Variants in DENND4A observed in about 807,000 individuals in gnomAD.
DENND4A encodes the protein C-myc promoter-binding protein.
A neutral mutation model predicts 199.3 loss-of-function variants in DENND4A; 70 were observed. The ratio of observed to expected loss-of-function variants is 0.35; its 90% confidence interval spans 0.29 to 0.43. The LOEUF (loss-of-function observed/expected upper bound fraction) is 0.43. Among genes scored for constraint, DENND4A ranks in the 20% least tolerant of loss-of-function variants. The pLI is 1.00. For missense variants in DENND4A, 1,723 were observed against 2,255.8 expected (o/e 0.76, Z 4.78); for synonymous variants, 686 against 766.9 (o/e 0.89, Z 1.74).
intron 2 of DENND4A, among the ~76,000 whole-genome samples, chr15:65,759,293 A>G (rs2076791795): frequency 1.3e-5 from 2 of 152,184 alleles, no homozygotes; most frequent in South Asian, 4.1e-4. Context: ...CCTGGCCAAT[A>G]TGGTGAAACC....
At chr15:65,771,959 T>C (rs1266281292) in intron 1 of DENND4A, 4 of 1,570,008 alleles carry the variant, frequency 2.5e-6, no homozygotes, top group African/African-American at 1.4e-5. Flanking sequence ...TCATCACCAC[T>C]ATCTTTCGTA....
chr15:65,676,716 C>A, intron 23 of DENND4A, 82 bp from the exon 24 acceptor site: 1 of 1,054,100 alleles, frequency 9.5e-7, no homozygotes, highest in South Asian at 2.3e-5. Context: ...AGAAAAAACA[C>A]TTATCACCTA....
At position 65,752,213 on chromosome 15, in the gene DENND4A, G is replaced by GAA. The variant is rs1567077255; in HGVS notation, c.561+164_561+165dup. Among the ~76,000 whole-genome samples the GAA allele has an allele frequency of 7.1e-5, 9 of 127,240 alleles. No homozygotes were observed. The East Asian group carries it at 2.2e-3, about 31-fold the overall frequency. The allele number at this position is 127,240 out of a possible 152,430, so 83.5% of individuals were successfully genotyped here. ...TGAAAGTACAACCAAAGTACTTTCC[G>GAA]AAAAGTAAAATATCTAATATCTTTA... is the stretch of plus-strand genomic sequence containing the variant. On this transcript the variant is annotated intron_variant, in intron 4 of 32. Transcript: ENST00000443035.
At chr15:65,721,307 T>C (rs936520158) in intron 12 of DENND4A, among the ~76,000 whole-genome samples, 1 of 152,106 alleles carries the variant, frequency 6.6e-6, no homozygotes, top group African/African-American at 2.4e-5. Context: ...TGAGCTACTT[T>C]GGAATCATCT....
chr15:65,671,888 T>A lies in DENND4A; in HGVS notation c.4370-2A>T, dbSNP rs760320373. 6.4e-7 allele frequency: 1 copy of A among 1,566,094 alleles called. No individual in the cohort carries two copies. The highest frequency in any genetic ancestry group is 8.8e-7 in the Non-Finnish European group (1 of 1,136,318). On this transcript the variant is annotated splice_acceptor_variant, in intron 24 of 32. Coordinates refer to ENST00000443035, the MANE Select transcript of DENND4A (RefSeq NM_001320835.1). LOFTEE classifies it high-confidence loss of function. ...GTAAGGCAAACTTCGACAGAGATCC[T>A]GTTCATTAGTGAAAAACAAAGAACA...
At chr15:65,693,044 G>A (rs1342677792) in intron 22 of DENND4A, among the ~76,000 whole-genome samples, 1 of 152,110 alleles carries the variant, frequency 6.6e-6, no homozygotes, top group African/African-American at 2.4e-5. Flanking sequence ...GCCCTGCAAG[G>A]CCTGAAATAC....
intron 14 of DENND4A, among the ~76,000 whole-genome samples, chr15:65,706,491 CACACATATAT>C (rs2075060067): frequency 2.3e-5 from 2 of 85,912 alleles, no homozygotes; most frequent in African/African-American, 4.9e-5. Context: ...CACACACACA[CACACATATAT>C]ATATATATTT....
At chr15:65,752,076 G>C (rs1432953316) in intron 4 of DENND4A, among the ~76,000 whole-genome samples, 1 of 143,606 alleles carries the variant, frequency 7.0e-6, no homozygotes, top group Non-Finnish European at 1.5e-5. Flanking sequence ...GTCCCGTTGA[G>C]GTGTGGGATC....
At chr15:65,771,255 G>C (rs1030203273) in intron 1 of DENND4A, 88 of 1,588,206 alleles carry the variant, frequency 5.5e-5, no homozygotes, top group Non-Finnish European at 6.6e-5. Flanking sequence ...CTTCGGAGTC[G>C]ATCACCACGG....
rs542893538 is a variant in DENND4A, at chr15:65,760,353, C to T, written c.-23+1007G>A. On this transcript the variant is annotated intron_variant, in intron 2 of 32. Transcript: ENST00000443035. ...CTCTACTTAAAATACAAAAAATTAGCGGGGCATGGTGGCGCACGCCTGTAA... is the reference window on the plus strand; with the variant it reads ...CTCTACTTAAAATACAAAAAATTAGTGGGGCATGGTGGCGCACGCCTGTAA... 4.6e-5 allele frequency among the ~76,000 whole-genome samples: 7 copies of T among 152,022 alleles called. No homozygotes were observed. The South Asian group carries it at 8.3e-4, about 18-fold the overall frequency.
chr15:65,715,657 T>C (rs752054955), intron 13 of DENND4A, 34 bp from the exon 14 acceptor site: 3 of 1,505,942 alleles, frequency 2.0e-6, no homozygotes, highest in Non-Finnish European at 2.7e-6. Flanking sequence ...TCAGAATACA[T>C]AATATCATTC....
In DENND4A at chr15:65,702,371, C is replaced by T. The variant is rs1321620976; in HGVS notation, c.2364G>A (p.Arg788=). 1.3e-6 allele frequency: 2 copies of T among 1,555,294 alleles called. No individual in the cohort carries two copies. Among genetic ancestry groups the T allele is most frequent in the African/African-American group, 1.4e-5 (1 of 73,110 alleles). ...GCACATCATATGCTGTTTTCAGAGCCCTGACTTTTGAATGACAGACTTTCA... is the reference window on the plus strand; with the variant it reads ...GCACATCATATGCTGTTTTCAGAGCTCTGACTTTTGAATGACAGACTTTCA... ...AYVKVCHSKV[R]ALKTAYDVLK... is the part of the protein sequence containing the mutation. Residue 788 remains arginine (R), a synonymous_variant, in exon 17 of 33, where the codon AGG becomes AGA. Coordinates refer to ENST00000443035, the MANE Select transcript of DENND4A (RefSeq NM_001320835.1).
intron 11 of DENND4A, among the ~76,000 whole-genome samples, chr15:65,728,213 G>A (rs774623764): frequency 6.6e-6 from 1 of 152,020 alleles, no homozygotes; most frequent in African/African-American, 2.4e-5. Flanking sequence ...ATGTTGGCCA[G>A]GCTGGTCTCG....
intron 14 of DENND4A, among the ~76,000 whole-genome samples, chr15:65,711,395 G>A (rs1347519579): frequency 6.6e-6 from 1 of 152,196 alleles, no homozygotes; most frequent in African/African-American, 2.4e-5. Context: ...TCAGGAGACT[G>A]AGGTGAGAAA....
intron 1 of DENND4A, chr15:65,771,419 T>C (rs1358366350): frequency 3.1e-6 from 5 of 1,588,868 alleles, no homozygotes; most frequent in Admixed American, 1.7e-5. Flanking sequence ...GCTGACATAA[T>C]AAACACCACC....
chr15:65,756,474 T>A lies in DENND4A; in HGVS notation c.-22-2A>T. 6.4e-7 allele frequency: 1 copy of A among 1,568,492 alleles called. No homozygotes were observed. Among genetic ancestry groups the A allele is most frequent in the Non-Finnish European group, 8.6e-7 (1 of 1,161,828 alleles). On this transcript the variant is annotated splice_acceptor_variant, in intron 2 of 32. Transcript: ENST00000443035. LOFTEE classifies it low-confidence loss of function (5UTR_SPLICE). Reference sequence around the variant, plus strand: ...ATCTTCCATTACAGAAGGTTACATCTAAAAGGAAAGTAAAAGACTAGTACT... The same window carrying A: ...ATCTTCCATTACAGAAGGTTACATCAAAAAGGAAAGTAAAAGACTAGTACT...
At chr15:65,668,439 G>T (rs1010923476) in intron 27 of DENND4A, among the ~76,000 whole-genome samples, 1 of 152,076 alleles carries the variant, frequency 6.6e-6, no homozygotes, top group Non-Finnish European at 1.5e-5. Context: ...GAACTCCCAG[G>T]CTCAAGCCAT....
chr15:65,700,974 A>G, intron 19 of DENND4A, 77 bp downstream of exon 19: 2 of 1,446,166 alleles, frequency 1.4e-6, no homozygotes, highest in Non-Finnish European at 9.4e-7. Context: ...TTTTAAAACT[A>G]TTTAAAATTT....
intron 7 of DENND4A, among the ~76,000 whole-genome samples, chr15:65,736,158 C>T (rs1375118421): frequency 6.6e-6 from 1 of 152,194 alleles, no homozygotes; most frequent in Non-Finnish European, 1.5e-5. Flanking sequence ...ATGGGATTAA[C>T]TTGGCAAATC....
Sources: gnomAD v4.1 joint callset for allele counts (sites outside exome capture counted in the v4.1 genomes callset) on GRCh38, gnomAD v4.1.1 for gene constraint, MANE v1.5 for transcripts, NCBI Gene and HGNC (gene_info 2026-07-23, HGNC 2026-07-21) for gene names.